The following CFHR5 variants were observed in gnomAD, a reference collection of about 807,000 sequenced individuals.
CFHR5 encodes complement factor H-related protein 5.
CFHR5 carries 73 observed loss-of-function variants against 62.9 expected under a neutral mutation model. The ratio of observed to expected loss-of-function variants is 1.16; its 90% CI spans 0.96 to 1.41. The LOEUF is 1.41. CFHR5 is among the 40% of genes most tolerant of loss of function. The pLI is 0.00. For synonymous variants in CFHR5, 249 were observed against 227.2 expected, an observed-to-expected ratio of 1.10 and a Z score of -0.86; for missense variants, 779 against 679.9, an observed-to-expected ratio of 1.15 and a Z score of -1.62.
rs555236331 is a variant in CFHR5, at chr1:197,005,691, G to A, written c.1513+848G>A. Among the ~76,000 whole-genome samples the A allele has an allele frequency of 5.9e-5, 9 of 152,212 alleles. No individual in the cohort carries two copies. The South Asian group carries it at 1.7e-3, about 28-fold the overall frequency. On this transcript the variant is annotated intron_variant, in intron 9 of 9. Coordinates refer to ENST00000256785, the MANE Select transcript of CFHR5 (RefSeq NM_030787.4). ...CCTCTGTTTTCTGGTGTCCAAAAGA[G>A]ACACCATGGTAATAAGGATCTGTTC... is the stretch of plus-strand genomic sequence containing the variant.
In CFHR5 at chr1:196,977,689, C is replaced by A; in HGVS notation, c.25C>A (p.Leu9Ile). 1.9e-6 allele frequency: 3 copies of A among 1,613,024 alleles called. No individual in the cohort carries two copies. Among genetic ancestry groups the A allele is most frequent in the Non-Finnish European group, 2.5e-6 (3 of 1,179,208 alleles). Residue 9 changes from leucine (L) to isoleucine (I), a missense_variant, in exon 1 of 10, where the codon CTA (leucine) becomes ATA (isoleucine). By Grantham distance (5) the Leu-to-Ile change is conservative (BLOSUM62 2). Transcript: ENST00000256785. MLLLFSVI[L>I]ISWVSTVGGE... ...CATGTTGCTCTTATTCAGTGTAATC[C>A]TAATCTCATGGGTATCCACTGTTGG...
rs1195709827 is a variant in CFHR5 at position 197,002,483 on chromosome 1, A to T, written c.1149A>T (p.Glu383Asp). ...TAATTTAATTCCAATATTTTGTAGA[A>T]AAAAGGGAACAATTCTGCCCACCGC... ...GKWNPEVDCT[E>D]KREQFCPPPP... is the part of the protein sequence containing the mutation. Residue 383 changes from glutamate to aspartate, a missense_variant and splice_region_variant, in exon 8 of 10, where the codon GAA becomes GAT. By Grantham distance (45) the Glu-to-Asp change is conservative. Transcript: ENST00000256785. The T allele has an allele frequency of 1.2e-6, 2 of 1,611,698 alleles. No individual in the cohort carries two copies. Among genetic ancestry groups the T allele is most frequent in the Non-Finnish European group, 8.5e-7 (1 of 1,178,284 alleles).
intron 3 of CFHR5, among the ~76,000 whole-genome samples, chr1:196,992,007 G>A (rs928386833): frequency 3.9e-5 from 6 of 152,218 alleles, no homozygotes. Context: ...GGAGTTTACA[G>A]AAGCAGCAGG....
chr1:196,996,855 T>G (rs1195380130), intron 6 of CFHR5, among the ~76,000 whole-genome samples: 4 of 151,686 alleles, frequency 2.6e-5, no homozygotes, highest in African/African-American at 9.7e-5. Context: ...ACAGAAGTAG[T>G]AAGTAGTAAG....
intron 8 of CFHR5, among the ~76,000 whole-genome samples, chr1:197,003,900 A>C (rs1293394641): frequency 1.3e-5 from 2 of 152,174 alleles, no homozygotes; most frequent in Admixed American, 1.3e-4. Flanking sequence ...GAAAGGAGAT[A>C]ATTCATGAAG....
At chr1:196,980,624 GTGTGTA>G (rs1380901269) in intron 1 of CFHR5, among the ~76,000 whole-genome samples, 1 of 147,984 alleles carries the variant, frequency 6.8e-6, no homozygotes. Flanking sequence ...GTGTGTGTGT[GTGTGTA>G]TCCCAGAAGA....
Position 197,008,963 on chromosome 1 carries a change from A to G in CFHR5, c.*280A>G. The G allele has an allele frequency of 3.1e-6, 1 of 321,838 alleles. No homozygotes were observed. Among genetic ancestry groups the G allele is most frequent in the Non-Finnish European group, 5.9e-6 (1 of 168,334 alleles). The allele number at this position is 321,838 out of a possible 1,614,324, so 19.9% of individuals were successfully genotyped here. ...TAGTTTATTTGTTTCATAAATCTAA[A>G]AGCTGAGAAGTCCAAGATGGTGGGG... is the stretch of plus-strand genomic sequence containing the variant. On this transcript the variant is annotated 3_prime_UTR_variant, in exon 10 of 10. Coordinates refer to ENST00000256785, the MANE Select transcript of CFHR5 (RefSeq NM_030787.4).
intron 7 of CFHR5, among the ~76,000 whole-genome samples, chr1:196,999,974 G>A (rs1208919853): frequency 1.3e-5 from 2 of 151,420 alleles, no homozygotes; most frequent in Non-Finnish European, 3.0e-5. Context: ...TGAAACTAAT[G>A]TTTTGAAAAG....
intron 3 of CFHR5, 99 bp downstream of exon 3, chr1:196,984,236 C>A: frequency 3.0e-6 from 3 of 1,003,486 alleles, no homozygotes; most frequent in Middle Eastern, 2.4e-4. Flanking sequence ...TTCACCACTA[C>A]TTCTATCATT....
intron 3 of CFHR5, among the ~76,000 whole-genome samples, chr1:196,988,315 A>C (rs1461025246): frequency 6.6e-6 from 1 of 152,128 alleles, no homozygotes; most frequent in Non-Finnish European, 1.5e-5. Flanking sequence ...TCATCTGCAA[A>C]CAGCAACAAT....
chr1:196,984,230 C>T, intron 3 of CFHR5, 93 bp downstream of exon 3: 3 of 1,051,238 alleles, frequency 2.9e-6, no homozygotes, highest in Non-Finnish European at 4.3e-6. Flanking sequence ...ATAGGTTTCA[C>T]CACTACTTCT....
intron 7 of CFHR5, among the ~76,000 whole-genome samples, chr1:197,001,600 G>A (rs1296704638): frequency 6.6e-6 from 1 of 151,578 alleles, no homozygotes; most frequent in East Asian, 1.9e-4. Flanking sequence ...TGTGCACAAC[G>A]TGCAGGTTTG....
chr1:196,975,920 G>A (rs6702340), upstream of CFHR5, among the ~76,000 whole-genome samples: 1 of 151,938 alleles, frequency 6.6e-6, no homozygotes. Context: ...GGGACTGACT[G>A]ACAGTGATGA....
chr1:197,006,275 AAC>A (rs147172595), intron 9 of CFHR5, among the ~76,000 whole-genome samples: 173 of 152,296 alleles, frequency 1.1e-3, no homozygotes, highest in African/African-American at 4.1e-3. Flanking sequence ...AACAAACACA[AAC>A]ACACAATCAC....
chr1:196,977,634 T>A lies in CFHR5; in HGVS notation c.-31T>A. The A allele has an allele frequency of 6.4e-7, 1 of 1,568,996 alleles. No homozygotes were observed. The highest frequency in any genetic ancestry group is 8.8e-7 in the Non-Finnish European group (1 of 1,139,468). On this transcript the variant is annotated 5_prime_UTR_variant, in exon 1 of 10. Transcript: ENST00000256785. ...AGCAACACCACCATCACTGGAGTAT[T>A]TTTAGTTATATACGATTGAGACTAC...
rs752687157 is a variant in CFHR5, at chr1:196,984,097, A to G, written c.390A>G (p.Val130=). 24 of 1,613,752 alleles carry G rather than the reference A, an allele frequency of 1.5e-5. 1 individual carries two copies. In the Admixed American group the frequency reaches 3.8e-4, roughly 26 times the overall value. The part of the protein sequence containing the change: ...LQNNEKNISC[V]ERGWSTPPIC... ...ACAATGAGAAAAACATTTCGTGTGT[A>G]GAACGGGGCTGGTCCACTCCTCCCA... Residue 130 remains valine (V), a synonymous_variant, in exon 3 of 10, where the codon GTA becomes GTG. Transcript: ENST00000256785.
upstream of CFHR5, among the ~76,000 whole-genome samples, chr1:196,977,292 G>GAA (rs138249543): frequency 2.9e-3 from 415 of 141,102 alleles, 1 homozygote; most frequent in African/African-American, 9.4e-3. Flanking sequence ...CCCTTGGCTA[G>GAA]AAAAAAAAAA....
chr1:196,987,870 A>G (rs1369337083), intron 3 of CFHR5, among the ~76,000 whole-genome samples: 1 of 152,116 alleles, frequency 6.6e-6, no homozygotes, highest in Non-Finnish European at 1.5e-5. Flanking sequence ...TTGATTCCAT[A>G]TGAACTTTAA....
rs58045673 is a variant in CFHR5 at position 196,992,177 on chromosome 1, G to A, written c.431-1903G>A. The stretch of plus-strand genomic sequence containing the variant: ...CACTAGCAGTGAGCAAGGCTCTGTG[G>A]GCGTGGTAACTGCCAAGCCAGGCAC... On this transcript the variant is annotated intron_variant, in intron 3 of 9. Transcript: ENST00000256785. 1.0e-3 allele frequency among the ~76,000 whole-genome samples: 154 copies of A among 152,272 alleles called. 1 individual carries two copies. The highest frequency in any genetic ancestry group is 3.4e-3 in the African/African-American group (143 of 41,550).
Sources: gnomAD v4.1 joint callset for allele counts (sites outside exome capture counted in the v4.1 genomes callset) on GRCh38, gnomAD v4.1.1 for gene constraint, MANE v1.5 for transcripts, NCBI Gene and HGNC (gene_info 2026-07-23, HGNC 2026-07-21) for gene names.